The following ATP10B variants were observed in gnomAD, a reference collection of about 807,000 sequenced individuals.
ATP10B encodes the protein ATPase phospholipid transporting 10B (putative), also known as phospholipid-transporting ATPase VB.
ATP10B carries 122 observed loss-of-function variants against 141.2 expected under a neutral mutation model. The ratio of observed to expected loss-of-function variants is 0.86; its 90% CI spans 0.75 to 1.00. ATP10B has a LOEUF of 1.00. Among genes scored for constraint, ATP10B ranks in the 50% least tolerant of loss-of-function variants. The pLI is 0.00. For synonymous variants in ATP10B, 685 were observed against 692.0 expected (o/e 0.99, Z 0.16); for missense variants, 1,876 against 1,825.3 (o/e 1.03, Z -0.51).
At chr5:160,807,722 C>T (rs922415103) in intron 1 of ATP10B, among the ~76,000 whole-genome samples, 1 of 152,154 alleles carries the variant, frequency 6.6e-6, no homozygotes, top group African/African-American at 2.4e-5. Context: ...TTTGATCATA[C>T]AATATATAAT....
intron 2 of ATP10B, among the ~76,000 whole-genome samples, chr5:160,733,253 G>T (rs1250436498): frequency 6.6e-6 from 1 of 151,864 alleles, no homozygotes; most frequent in Non-Finnish European, 1.5e-5. Flanking sequence ...CTTTTTAGTT[G>T]GTTTGTTACC....
At chr5:160,730,109 A>C (rs1308763119) in intron 2 of ATP10B, among the ~76,000 whole-genome samples, 1 of 152,180 alleles carries the variant, frequency 6.6e-6, no homozygotes, top group African/African-American at 2.4e-5. Context: ...GATTTAAGCT[A>C]GCTGTTAGGC....
chr5:160,744,627 G>A (rs1325173298), intron 2 of ATP10B, among the ~76,000 whole-genome samples: 1 of 152,188 alleles, frequency 6.6e-6, no homozygotes, highest in African/African-American at 2.4e-5. Flanking sequence ...AATTTGTAGA[G>A]TAACACTTGG....
chr5:160,602,424 C>T, intron 21 of ATP10B, 153 bp downstream of exon 21: 2 of 943,602 alleles, frequency 2.1e-6, no homozygotes, highest in Non-Finnish European at 3.1e-6. Flanking sequence ...CTCAAGGTCA[C>T]AGAGCTATTA....
At chr5:160,626,132 C>T (rs1442269903) in intron 13 of ATP10B, among the ~76,000 whole-genome samples, 1 of 152,210 alleles carries the variant, frequency 6.6e-6, no homozygotes, top group Non-Finnish European at 1.5e-5. Context: ...AAAGCAGTGT[C>T]CTTACCCATT....
At position 160,569,508 on chromosome 5, in the gene ATP10B, G is replaced by A; in HGVS notation, c.3926C>T (p.Ala1309Val). 1 of 1,613,838 alleles carries A rather than the reference G, an allele frequency of 6.2e-7. No homozygotes were observed. The highest frequency in any genetic ancestry group is 8.5e-7 in the Non-Finnish European group (1 of 1,179,838). The change falls in exon 25 of 26, where the codon GCT (alanine) becomes GTT (valine). Residue 1309 changes from alanine to valine, a missense_variant. By Grantham distance (64) the Ala-to-Val change is moderately conservative. Transcript: ENST00000327245. ...YLVCFLTPVV[A>V]LLPRYFFLSL... ...CTAGTGCTCAAACCTTGGGAGAAGAGCAACAACTGGTGTGAGAAAGCAGAC... is the reference window on the plus strand; with the variant it reads ...CTAGTGCTCAAACCTTGGGAGAAGAACAACAACTGGTGTGAGAAAGCAGAC...
chr5:160,664,797 C>G (rs1762221127), intron 7 of ATP10B, among the ~76,000 whole-genome samples: 1 of 152,138 alleles, frequency 6.6e-6, no homozygotes. Context: ...AAATAGATAG[C>G]CAGGGACATG....
At chr5:160,898,430 C>A in the ATP10B span, among the ~76,000 whole-genome samples, 111 of 152,270 alleles carry the variant, frequency 7.3e-4, no homozygotes, top group South Asian at 0.019. Context: ...AAATGCAAAT[C>A]AAAACCACAA....
chr5:160,564,189 T>A lies in ATP10B; in HGVS notation c.*1264A>T, dbSNP rs1335156015. On this transcript the variant is annotated 3_prime_UTR_variant, in exon 26 of 26. Coordinates refer to ENST00000327245, the MANE Select transcript of ATP10B (RefSeq NM_025153.3). ...TTTGCCTACTATATAGGTACTAGCT[T>A]AAGGTGGCTCAGTAACCCTTTCTGG... 2 of 152,194 alleles carry A rather than the reference T, an allele frequency of 1.3e-5. No homozygotes were observed. The highest frequency in any genetic ancestry group is 4.1e-4 in the South Asian group (2 of 4,830). The allele number at this position is 152,194 out of a possible 1,614,324, so 9.4% of individuals were successfully genotyped here. A position where few individuals can be genotyped will look rare whatever the true frequency, so the allele number is the denominator to read the frequency against.
rs369041972 is a variant in ATP10B, at chr5:160,569,576, A to G, written c.3858T>C (p.Tyr1286=). 6.9e-5 allele frequency: 112 copies of G among 1,613,766 alleles called. No individual in the cohort carries two copies. The highest frequency in any genetic ancestry group is 9.0e-5 in the Non-Finnish European group (106 of 1,179,882). Residue 1286 remains tyrosine (Y), a synonymous_variant, in exon 25 of 26, where the codon TAT becomes TAC. Transcript: ENST00000327245. ...TTGAGAGCTGGCCTTCCATCACCCAATAGGGATTGGTGGGGCTGTTGCAGA... is the reference window on the plus strand; with the variant it reads ...TTGAGAGCTGGCCTTCCATCACCCAGTAGGGATTGGTGGGGCTGTTGCAGA... ...CVICNSPTNP[Y]WVMEGQLSNP...
chr5:160,672,862 C>G (rs576178481), intron 6 of ATP10B, among the ~76,000 whole-genome samples: 1 of 152,206 alleles, frequency 6.6e-6, no homozygotes, highest in African/African-American at 2.4e-5. Context: ...TCTTCCTCCC[C>G]TCCTGGAGGC....
intron 13 of ATP10B, among the ~76,000 whole-genome samples, chr5:160,626,682 G>A (rs1758629810): frequency 6.6e-6 from 1 of 152,208 alleles, no homozygotes; most frequent in South Asian, 2.1e-4. Context: ...AGTGGGGCCT[G>A]AGCATTGGCA....
At chr5:160,631,557 A>G (rs1758941477) in intron 13 of ATP10B, among the ~76,000 whole-genome samples, 1 of 152,232 alleles carries the variant, frequency 6.6e-6, no homozygotes, top group Non-Finnish European at 1.5e-5. Flanking sequence ...ACTATTTAAA[A>G]CTTATTTTTG....
the ATP10B span, among the ~76,000 whole-genome samples, chr5:160,926,486 G>A: frequency 1.3e-5 from 2 of 152,150 alleles, no homozygotes; most frequent in Non-Finnish European, 2.9e-5. Context: ...ACAAGATAAG[G>A]AGAGACTTAA....
chr5:160,649,163 A>T lies in ATP10B; in HGVS notation c.761+8T>A. The T allele has an allele frequency of 6.3e-7, 1 of 1,595,566 alleles. No individual in the cohort carries two copies. Among genetic ancestry groups the T allele is most frequent in the Non-Finnish European group, 8.6e-7 (1 of 1,163,222 alleles). On this transcript the variant is annotated splice_region_variant and intron_variant, in intron 8 of 25. Coordinates refer to ENST00000327245, the MANE Select transcript of ATP10B (RefSeq NM_025153.3). Reference sequence around the variant, plus strand: ...ATTTACTAGCAGCATGGGACATGAGATACTTACATATAACCCTTAAATTTG... The same window carrying T: ...ATTTACTAGCAGCATGGGACATGAGTTACTTACATATAACCCTTAAATTTG...
At chr5:160,817,618 T>A (rs1773747402) in intron 1 of ATP10B, among the ~76,000 whole-genome samples, 1 of 152,164 alleles carries the variant, frequency 6.6e-6, no homozygotes, top group Non-Finnish European at 1.5e-5. Flanking sequence ...AAGCTACCAA[T>A]GACTTTCTTC....
intron 2 of ATP10B, among the ~76,000 whole-genome samples, chr5:160,730,490 T>C (rs568256530): frequency 1.3e-5 from 2 of 152,196 alleles, no homozygotes; most frequent in East Asian, 1.9e-4. Flanking sequence ...TTGTTAACGA[T>C]GCATACTAGA....
rs115017313 is a variant in ATP10B, at chr5:160,811,487, C to T, written c.-575-25684G>A. ...GATTCCCAGACCAGGCAGCATTCAT[C>T]ACAAGCTGCTGAAGAGCCCTTGGAC... On this transcript the variant is annotated intron_variant, in intron 1 of 25. Coordinates refer to ENST00000327245, the MANE Select transcript of ATP10B (RefSeq NM_025153.3). 7.0e-3 allele frequency among the ~76,000 whole-genome samples: 1,064 copies of T among 152,090 alleles called. 18 individuals are homozygous for T. The highest frequency in any genetic ancestry group is 0.024 in the African/African-American group (1,003 of 41,488).
chr5:160,833,610 G>A (rs1308991777), intron 1 of ATP10B, among the ~76,000 whole-genome samples: 2 of 152,100 alleles, frequency 1.3e-5, no homozygotes, highest in Non-Finnish European at 2.9e-5. Flanking sequence ...ATAGTCAATT[G>A]TAGAAGTACA....
Sources: allele counts gnomAD v4.1 joint callset (sites outside exome capture counted in the v4.1 genomes callset), GRCh38; gene constraint gnomAD v4.1.1; transcripts MANE v1.5; gene names NCBI Gene and HGNC (gene_info 2026-07-23, HGNC 2026-07-21).